The following DPY19L1 variants were observed in gnomAD, a reference collection of about 807,000 sequenced individuals.
DPY19L1 encodes the protein protein C-mannosyl-transferase DPY19L1.
Under a neutral mutation model 96.9 loss-of-function variants are expected in DPY19L1, and 35 were observed. The observed-to-expected ratio is 0.36, with a 90% CI of 0.28 to 0.48. The LOEUF (loss-of-function observed/expected upper bound fraction) is 0.48, where lower values mean the gene tolerates loss of function less well. Among genes scored for constraint, DPY19L1 ranks in the 20% least tolerant of loss-of-function variants. The pLI, the probability that DPY19L1 is intolerant of heterozygous loss-of-function variation, is 0.99. For missense variants in DPY19L1, 521 were observed against 777.9 expected (o/e 0.67, Z 3.93); for synonymous variants, 205 against 252.6 (o/e 0.81, Z 1.79).
intron 3 of DPY19L1, among the ~76,000 whole-genome samples, chr7:35,016,812 T>C (rs796282493): frequency 1.3e-5 from 2 of 152,202 alleles, no homozygotes; most frequent in African/African-American, 2.4e-5. Context: ...AGGAACATAA[T>C]TGAAGAATGA....
intron 6 of DPY19L1, chr7:35,000,245 C>T (rs1480256711): frequency 6.6e-6 from 1 of 152,002 alleles, no homozygotes; most frequent in African/African-American, 2.4e-5. Context: ...TCGTATTCAC[C>T]ACCAAAAGAA....
intron 3 of DPY19L1, 25 bp downstream of exon 3, chr7:35,017,857 G>A: frequency 1.3e-6 from 2 of 1,512,628 alleles, no homozygotes; most frequent in Non-Finnish European, 1.8e-6. Flanking sequence ...AAAGTACTAT[G>A]ATGAAATCCC....
chr7:34,991,811 T>G (rs1358464385), intron 6 of DPY19L1, among the ~76,000 whole-genome samples: 4 of 152,228 alleles, frequency 2.6e-5, no homozygotes, highest in Non-Finnish European at 4.4e-5. Context: ...TCTCTGAAAT[T>G]TGTTCCTTTT....
Position 34,981,220 on chromosome 7 carries a change from A to G in DPY19L1, c.823-7615T>C, listed in dbSNP as rs1352547788. Among the ~76,000 whole-genome samples, 3 of 152,250 alleles carry G rather than the reference A, an allele frequency of 2.0e-5. No homozygotes were observed. In the East Asian group the frequency reaches 5.8e-4, roughly 29 times the overall value. ...CAGCCAAATCTGTGACAATGGGAGC[A>G]TCAAAAAGAACTGCAATGGATTATA... On this transcript the variant is annotated intron_variant, in intron 7 of 21. Coordinates refer to ENST00000638088, the MANE Select transcript of DPY19L1 (RefSeq NM_001366673.1).
At chr7:34,969,144 T>C (rs1784672939) in intron 9 of DPY19L1, among the ~76,000 whole-genome samples, 4 of 152,164 alleles carry the variant, frequency 2.6e-5, no homozygotes, top group Admixed American at 2.6e-4. Context: ...CACTTAACGA[T>C]ACTGAATAAC....
upstream of DPY19L1, chr7:35,037,826 C>G: frequency 8.1e-7 from 1 of 1,229,220 alleles, no homozygotes. Context: ...ACCTCTTCGG[C>G]GCCCGCGCGG....
At chr7:35,013,499 T>C (rs1785765317) in intron 4 of DPY19L1, 69 bp downstream of exon 4, 3 of 1,220,608 alleles carry the variant, frequency 2.5e-6, no homozygotes, top group South Asian at 1.3e-5. Context: ...ATCTTAGATT[T>C]AGAATCAGCG....
chr7:34,939,199 T>C (rs1425558390), intron 20 of DPY19L1, 77 bp downstream of exon 20: 1 of 1,279,474 alleles, frequency 7.8e-7, no homozygotes, highest in Non-Finnish European at 1.1e-6. Flanking sequence ...ACATTCCTTA[T>C]TACTTTGCTG....
At chr7:34,998,672 A>G (rs977140377) in intron 6 of DPY19L1, among the ~76,000 whole-genome samples, 1 of 152,210 alleles carries the variant, frequency 6.6e-6, no homozygotes, top group African/African-American at 2.4e-5. Context: ...CTCCCCAAAC[A>G]AAGCAGTTTA....
At chr7:34,945,826 G>C (rs1295406733) in intron 15 of DPY19L1, 110 bp from the exon 16 acceptor site, 9 of 727,710 alleles carry the variant, frequency 1.2e-5, no homozygotes, top group Admixed American at 2.8e-5. Flanking sequence ...TATAAGTATA[G>C]AGATAACTCA....
intron 7 of DPY19L1, among the ~76,000 whole-genome samples, chr7:34,974,780 T>A (rs1784798152): frequency 6.6e-6 from 1 of 152,192 alleles, no homozygotes; most frequent in Non-Finnish European, 1.5e-5. Flanking sequence ...CAACCCTGCA[T>A]CAAGCAAGTC....
rs1195287123 is a variant in DPY19L1, at chr7:34,929,184, T to C, written c.*2389A>G. ...ATACTAAAGCAAAAATATTTGTAAA[T>C]GCTAACAATATGCAAAACACTGAGC... On this transcript the variant is annotated 3_prime_UTR_variant, in exon 22 of 22. Transcript: ENST00000638088. 6 of 152,230 alleles carry C rather than the reference T, an allele frequency of 3.9e-5. No individual in the cohort carries two copies. In the East Asian group the frequency reaches 1.2e-3, roughly 29 times the overall value. The allele number at this position is 152,230 out of a possible 1,614,324, so 9.4% of individuals were successfully genotyped here.
At chr7:34,980,371 A>AT (rs1217170774) in intron 7 of DPY19L1, among the ~76,000 whole-genome samples, 1 of 152,106 alleles carries the variant, frequency 6.6e-6, no homozygotes, top group African/African-American at 2.4e-5. Context: ...GTAGGCAAAG[A>AT]TTTTTTTAAT....
chr7:35,021,280 T>C (rs1785989972), intron 1 of DPY19L1, among the ~76,000 whole-genome samples: 1 of 152,070 alleles, frequency 6.6e-6, no homozygotes, highest in African/African-American at 2.4e-5. Context: ...AATTCTGGAG[T>C]GCTAACTAGG....
intron 11 of DPY19L1, among the ~76,000 whole-genome samples, chr7:34,956,226 G>A (rs1430371393): frequency 6.6e-6 from 1 of 152,142 alleles, no homozygotes; most frequent in East Asian, 1.9e-4. Flanking sequence ...CCTGTCCATA[G>A]TACCAAGATT....
chr7:35,029,805 G>C (rs1786217708), intron 1 of DPY19L1, among the ~76,000 whole-genome samples: 1 of 152,134 alleles, frequency 6.6e-6, no homozygotes, highest in Non-Finnish European at 1.5e-5. Context: ...GGACACATGA[G>C]GTCAACTTCC....
At chr7:34,978,354 T>C (rs1239759996) in intron 7 of DPY19L1, among the ~76,000 whole-genome samples, 2 of 152,198 alleles carry the variant, frequency 1.3e-5, no homozygotes, top group Non-Finnish European at 2.9e-5. Context: ...ATACTATTGC[T>C]TTATATTGCT....
At position 34,941,903 on chromosome 7, in the gene DPY19L1, T is replaced by A. The variant is rs1196238234; in HGVS notation, c.1570-19A>T. 6.4e-7 allele frequency: 1 copy of A among 1,563,676 alleles called. No homozygotes were observed. Among genetic ancestry groups the A allele is most frequent in the Non-Finnish European group, 8.6e-7 (1 of 1,160,104 alleles). On this transcript the variant is annotated intron_variant, in intron 17 of 21. Coordinates refer to ENST00000638088, the MANE Select transcript of DPY19L1 (RefSeq NM_001366673.1). The stretch of plus-strand genomic sequence containing the variant: ...AAACCAGCTGAAAGAAAGAAGAAAA[T>A]GTTTTTTACTCCTACTGTTTGTGAA...
intron 15 of DPY19L1, among the ~76,000 whole-genome samples, chr7:34,946,030 C>T (rs2128783194): frequency 6.6e-6 from 1 of 152,292 alleles, no homozygotes; most frequent in South Asian, 2.1e-4. Flanking sequence ...GATCTTCTGG[C>T]TTCAAATTCA....
Sources: allele counts gnomAD v4.1 joint callset (sites outside exome capture counted in the v4.1 genomes callset), GRCh38; gene constraint gnomAD v4.1.1; transcripts MANE v1.5; gene names NCBI Gene and HGNC (gene_info 2026-07-23, HGNC 2026-07-21).